The following AP3B1 variants were observed in gnomAD, a reference collection of about 807,000 sequenced individuals.
The protein encoded by AP3B1 is AP-3 complex subunit beta-1.
A neutral mutation model predicts 132.5 loss-of-function variants in AP3B1; 61 were observed. That is an observed-to-expected ratio of 0.46 (90% CI 0.37 to 0.57). The LOEUF is 0.57. AP3B1 is among the 20% of genes least tolerant of loss of function. The pLI is 0.00. For synonymous variants in AP3B1, 388 were observed against 438.3 expected (o/e 0.89, Z 1.43); for missense variants, 1,120 against 1,289.4 (o/e 0.87, Z 2.01).
chr5:78,106,503 G>C (rs1751345949), intron 20 of AP3B1, among the ~76,000 whole-genome samples: 1 of 152,036 alleles, frequency 6.6e-6, no homozygotes, highest in East Asian at 1.9e-4. Context: ...AGGTGGGTAG[G>C]GTTAAGACAA....
chr5:78,142,590 T>C (rs945927598), intron 14 of AP3B1, among the ~76,000 whole-genome samples: 1 of 151,926 alleles, frequency 6.6e-6, no homozygotes, highest in Admixed American at 6.6e-5. Flanking sequence ...ATATCTACCA[T>C]TGCAAAATCT....
chr5:78,139,719 G>A (rs185363354), intron 15 of AP3B1, among the ~76,000 whole-genome samples: 192 of 152,274 alleles, frequency 1.3e-3, no homozygotes, highest in East Asian at 7.5e-3. Flanking sequence ...GAAAATAAGT[G>A]TGGTCTATGG....
rs539815891 is a variant in AP3B1, at chr5:78,188,880, T to C, written c.787-7218A>G. ...AAGAAAATGTGGTGCATATACACCA[T>C]GGAATACTATGCAGCCATAAAAAGG... is the stretch of plus-strand genomic sequence containing the variant. On this transcript the variant is annotated intron_variant, in intron 7 of 26. Coordinates refer to ENST00000255194, the MANE Select transcript of AP3B1 (RefSeq NM_003664.5). Among the ~76,000 whole-genome samples the C allele has an allele frequency of 5.3e-3, 809 of 152,262 alleles. 10 individuals are homozygous for C. The highest frequency in any genetic ancestry group is 5.5e-3 in the Non-Finnish European group (372 of 68,016).
chr5:78,209,635 C>T (rs886942059), intron 7 of AP3B1, among the ~76,000 whole-genome samples: 5 of 152,120 alleles, frequency 3.3e-5, no homozygotes, highest in African/African-American at 1.2e-4. Context: ...ATCAGGACCA[C>T]CTGAGGCTGC....
chr5:78,220,796 T>C (rs1185590800), intron 6 of AP3B1, among the ~76,000 whole-genome samples: 2 of 151,826 alleles, frequency 1.3e-5, no homozygotes, highest in African/African-American at 4.8e-5. Flanking sequence ...ACGCCTGTAA[T>C]CCCAATACTT....
intron 18 of AP3B1, among the ~76,000 whole-genome samples, chr5:78,115,759 A>G (rs1751798031): frequency 6.6e-6 from 1 of 152,176 alleles, no homozygotes; most frequent in South Asian, 2.1e-4. Context: ...TATAAAATAA[A>G]CTTTACGTTT....
rs185642268 is a variant in AP3B1, at chr5:78,254,513, T to C, written c.204+13007A>G. 3.2e-3 allele frequency among the ~76,000 whole-genome samples: 489 copies of C among 152,304 alleles called. 3 individuals are homozygous for C. The highest frequency in any genetic ancestry group is 0.011 in the African/African-American group (446 of 41,574). On this transcript the variant is annotated intron_variant, in intron 2 of 26. Coordinates refer to ENST00000255194, the MANE Select transcript of AP3B1 (RefSeq NM_003664.5). ...CAACGGAGCTCCAATATGGTGGCAG[T>C]AGACTTTTCAGTGGAAACAGGTAAG...
chr5:78,143,107 T>C (rs567370507), intron 14 of AP3B1, among the ~76,000 whole-genome samples: 144 of 152,212 alleles, frequency 9.5e-4, no homozygotes, highest in African/African-American at 3.0e-3. Flanking sequence ...TATTTTATTA[T>C]ATATTGCTAG....
In AP3B1 at chr5:78,048,299, C is replaced by T. The variant is rs115328188; in HGVS notation, c.2578-9025G>A. Among the ~76,000 whole-genome samples the T allele has an allele frequency of 5.5e-3, 843 of 152,226 alleles. 6 individuals are homozygous for T. Among genetic ancestry groups the T allele is most frequent in the African/African-American group, 0.019 (806 of 41,540 alleles). Reference sequence around the variant, plus strand: ...GTTTCAGAATTGCTTTTATTTGGTTCAAGACTAAGTGCTGGCCTTTTGAGG... The same window carrying T: ...GTTTCAGAATTGCTTTTATTTGGTTTAAGACTAAGTGCTGGCCTTTTGAGG... On this transcript the variant is annotated intron_variant, in intron 22 of 26. Transcript: ENST00000255194.
At chr5:78,121,442 T>C (rs374914) in intron 17 of AP3B1, among the ~76,000 whole-genome samples, 46,131 of 151,624 alleles carry the variant, frequency 0.3, 7,431 homozygotes, top group Admixed American at 0.41. Flanking sequence ...ATTGATAGAC[T>C]GCTAGCAAGA....
intron 22 of AP3B1, among the ~76,000 whole-genome samples, chr5:78,082,141 A>G (rs1750037989): frequency 6.6e-6 from 1 of 152,098 alleles, no homozygotes; most frequent in Non-Finnish European, 1.5e-5. Flanking sequence ...CTAGTATCCA[A>G]TTTGAGGGCG....
intron 2 of AP3B1, among the ~76,000 whole-genome samples, chr5:78,251,959 G>A (rs1056421761): frequency 1.3e-5 from 2 of 152,152 alleles, no homozygotes; most frequent in African/African-American, 4.8e-5. Context: ...GAAGAGTGGG[G>A]AGGACTTTGT....
At chr5:78,219,578 G>T (rs935549825) in intron 6 of AP3B1, among the ~76,000 whole-genome samples, 3 of 152,004 alleles carry the variant, frequency 2.0e-5, no homozygotes, top group African/African-American at 7.2e-5. Flanking sequence ...ACTGACTACA[G>T]TTGTAAGGTT....
intron 7 of AP3B1, among the ~76,000 whole-genome samples, chr5:78,185,694 A>G (rs920783794): frequency 1.3e-5 from 2 of 152,172 alleles, no homozygotes; most frequent in African/African-American, 4.8e-5. Flanking sequence ...CCTTGCCTCT[A>G]CTACAAGTAA....
chr5:78,209,521 T>C (rs75398581), intron 7 of AP3B1, among the ~76,000 whole-genome samples: 1 of 152,198 alleles, frequency 6.6e-6, no homozygotes, highest in Non-Finnish European at 1.5e-5. Flanking sequence ...CAAGTTGTCC[T>C]GCCTTTCCAG....
intron 14 of AP3B1, among the ~76,000 whole-genome samples, chr5:78,145,941 T>A (rs900842499): frequency 2.6e-5 from 4 of 152,196 alleles, no homozygotes; most frequent in African/African-American, 7.2e-5. Flanking sequence ...AAGGAAAACA[T>A]GCTCAATATT....
At chr5:78,149,804 T>C (rs925700719) in intron 14 of AP3B1, among the ~76,000 whole-genome samples, 11 of 152,152 alleles carry the variant, frequency 7.2e-5, no homozygotes, top group Non-Finnish European at 1.6e-4. Context: ...TCATACACAA[T>C]CTCTATGAGA....
At chr5:78,179,223 C>G (rs977825680) in intron 8 of AP3B1, among the ~76,000 whole-genome samples, 1 of 152,098 alleles carries the variant, frequency 6.6e-6, no homozygotes, top group African/African-American at 2.4e-5. Context: ...GAAAAGAAAG[C>G]TGAATCTTAA....
chr5:78,253,429 A>C (rs747041214), intron 2 of AP3B1, among the ~76,000 whole-genome samples: 1 of 152,194 alleles, frequency 6.6e-6, no homozygotes, highest in Non-Finnish European at 1.5e-5. Flanking sequence ...CAAGAAAGAT[A>C]AGCATAAACA....
Sources: gnomAD v4.1 joint callset for allele counts (sites outside exome capture counted in the v4.1 genomes callset) on GRCh38, gnomAD v4.1.1 for gene constraint, MANE v1.5 for transcripts, NCBI Gene and HGNC (gene_info 2026-07-23, HGNC 2026-07-21) for gene names.